PRR5L: variants seen among roughly 807,000 people sequenced by gnomAD.
The protein encoded by PRR5L is proline rich 5 like, also known as proline-rich protein 5-like.
Under a neutral mutation model 36.4 loss-of-function variants are expected in PRR5L, and 21 were observed. The ratio of observed to expected loss-of-function variants is 0.58; its 90% CI spans 0.41 to 0.83. The LOEUF (loss-of-function observed/expected upper bound fraction) is 0.83. PRR5L is among the 40% of genes least tolerant of loss of function. The pLI is 0.00. For synonymous variants in PRR5L, 188 were observed against 197.0 expected (o/e 0.95, Z 0.38); for missense variants, 381 against 473.3 (o/e 0.80, Z 1.81).
chr11:36,406,287 A>C (rs886244870), intron 3 of PRR5L, among the ~76,000 whole-genome samples: 2 of 152,106 alleles, frequency 1.3e-5, no homozygotes, highest in African/African-American at 4.8e-5. Flanking sequence ...TGGGAAATAC[A>C]TATGGTTGAG....
chr11:36,419,362 A>G, intron 4 of PRR5L, 59 bp downstream of exon 4: 1 of 1,436,456 alleles, frequency 7.0e-7, no homozygotes, highest in East Asian at 2.3e-5. Context: ...ATGGACCTAA[A>G]AGGGGTGGCC....
In PRR5L at chr11:36,362,600, C is replaced by T. The variant is rs183166215; in HGVS notation, c.-125-38397C>T. On this transcript the variant is annotated intron_variant, in intron 1 of 8. Coordinates refer to ENST00000530639, the MANE Select transcript of PRR5L (RefSeq NM_001160167.2). ...TTTTTCTAGCACTTCTCACACCATG[C>T]CTGCTGTTTCTGTTTGAAAGCATAA... Among the ~76,000 whole-genome samples the T allele has an allele frequency of 5.9e-5, 9 of 152,238 alleles. No homozygotes were observed. The East Asian group carries it at 1.7e-3, about 29-fold the overall frequency.
At chr11:36,367,273 G>A (rs978394069) in intron 1 of PRR5L, among the ~76,000 whole-genome samples, 9 of 152,184 alleles carry the variant, frequency 5.9e-5, no homozygotes, top group African/African-American at 2.2e-4. Flanking sequence ...TAAAAGAATT[G>A]AGATTATTTA....
intron 2 of PRR5L, 140 bp downstream of exon 2, chr11:36,401,425 C>A (rs915665524): frequency 1.3e-6 from 1 of 756,562 alleles, no homozygotes; most frequent in Admixed American, 3.0e-5. Flanking sequence ...AGCAAATTTT[C>A]TTTTTTTCCT....
chr11:36,416,653 T>C (rs901356343), intron 3 of PRR5L, among the ~76,000 whole-genome samples: 1 of 152,202 alleles, frequency 6.6e-6, no homozygotes, highest in African/African-American at 2.4e-5. Flanking sequence ...CATTGTCTGC[T>C]CTTTAGCTTC....
intron 3 of PRR5L, among the ~76,000 whole-genome samples, chr11:36,418,174 T>C (rs1232557488): frequency 6.6e-6 from 1 of 152,222 alleles, no homozygotes; most frequent in Non-Finnish European, 1.5e-5. Context: ...TTGAACTCCT[T>C]GTGCTAGAAC....
intron 1 of PRR5L, among the ~76,000 whole-genome samples, chr11:36,354,491 C>T (rs1437920008): frequency 2.0e-5 from 3 of 152,050 alleles, no homozygotes; most frequent in Non-Finnish European, 2.9e-5. Context: ...GTTTACTAAG[C>T]CTGTTATTTC....
intron 1 of PRR5L, among the ~76,000 whole-genome samples, chr11:36,360,881 C>T (rs185702496): frequency 1.3e-5 from 2 of 152,130 alleles, no homozygotes; most frequent in Admixed American, 1.3e-4. Flanking sequence ...ATTCAAGAAG[C>T]AAGTATAACT....
At chr11:36,431,792 G>A (rs1858501261) in intron 4 of PRR5L, 61 bp from the exon 5 acceptor site, 2 of 1,485,032 alleles carry the variant, frequency 1.3e-6, no homozygotes, top group South Asian at 2.3e-5. Context: ...AGTGGAAGAG[G>A]GTTCATCACT....
chr11:36,347,279 C>T (rs1269786370), intron 1 of PRR5L, among the ~76,000 whole-genome samples: 1 of 151,980 alleles, frequency 6.6e-6, no homozygotes, highest in Admixed American at 6.6e-5. Context: ...AGTGGGAATT[C>T]CCAGATGTAT....
At chr11:36,412,332 C>T (rs1466567840) in intron 3 of PRR5L, among the ~76,000 whole-genome samples, 1 of 152,158 alleles carries the variant, frequency 6.6e-6, no homozygotes, top group African/African-American at 2.4e-5. Flanking sequence ...GTCCAGCACC[C>T]AGCAAGTGCT....
chr11:36,399,823 G>A (rs1192191861), intron 1 of PRR5L, among the ~76,000 whole-genome samples: 1 of 152,240 alleles, frequency 6.6e-6, no homozygotes, highest in Non-Finnish European at 1.5e-5. Flanking sequence ...GTCCAAAGGT[G>A]TAAAGGAAAG....
chr11:36,310,100 G>C (rs1309726070), intron 1 of PRR5L, among the ~76,000 whole-genome samples: 1 of 121,730 alleles, frequency 8.2e-6, no homozygotes, highest in Non-Finnish European at 1.8e-5. Context: ...ATAATGCTGG[G>C]CTTCTTTACT....
chr11:36,402,307 A>C (rs1857813689), intron 2 of PRR5L, among the ~76,000 whole-genome samples: 1 of 152,074 alleles, frequency 6.6e-6, no homozygotes, highest in Non-Finnish European at 1.5e-5. Context: ...GCAGTGGTGC[A>C]ATCTTGGCTA....
chr11:36,437,551 C>T, intron 6 of PRR5L, 75 bp downstream of exon 6: 2 of 878,632 alleles, frequency 2.3e-6, no homozygotes, highest in South Asian at 3.3e-5. Flanking sequence ...GGCCTGAGGG[C>T]TCCTGGTAAA....
At chr11:36,412,884 C>T (rs1858056041) in intron 3 of PRR5L, among the ~76,000 whole-genome samples, 1 of 152,198 alleles carries the variant, frequency 6.6e-6, no homozygotes, top group South Asian at 2.1e-4. Flanking sequence ...TAACACATAA[C>T]ATTATGTTTT....
chr11:36,459,805 A>C (rs547579836), intron 8 of PRR5L, among the ~76,000 whole-genome samples: 6 of 152,328 alleles, frequency 3.9e-5, no homozygotes, highest in Middle Eastern at 3.4e-3. Flanking sequence ...CACCCAGCAT[A>C]GGTGTACACA....
At chr11:36,313,954 T>C (rs1315162102) in intron 1 of PRR5L, among the ~76,000 whole-genome samples, 2 of 152,204 alleles carry the variant, frequency 1.3e-5, no homozygotes, top group Non-Finnish European at 2.9e-5. Flanking sequence ...GTCCCAGCAG[T>C]GCTCTTATTA....
At chr11:36,319,391 T>A (rs950338807) in intron 1 of PRR5L, among the ~76,000 whole-genome samples, 2 of 152,242 alleles carry the variant, frequency 1.3e-5, no homozygotes, top group Non-Finnish European at 2.9e-5. Context: ...AGAAATGTCA[T>A]CTGAGTCCCT....
Sources: gnomAD v4.1 joint callset for allele counts (sites outside exome capture counted in the v4.1 genomes callset) on GRCh38, gnomAD v4.1.1 for gene constraint, MANE v1.5 for transcripts, NCBI Gene and HGNC (gene_info 2026-07-23, HGNC 2026-07-21) for gene names.